Variants in FAM227B observed in about 807,000 individuals in gnomAD.
FAM227B encodes the protein protein FAM227B.
Under a neutral mutation model 73.8 loss-of-function variants are expected in FAM227B, and 88 were observed. That is an observed-to-expected ratio of 1.19 (90% CI 1.00 to 1.42). The LOEUF is 1.42. Among genes scored for constraint, FAM227B ranks in the 40% most tolerant of loss-of-function variants. The probability of loss-of-function intolerance (pLI) is 0.00; values close to 1 mark genes in which losing one functional copy is unlikely to be tolerated. For synonymous variants in FAM227B, 210 were observed against 190.5 expected (o/e 1.10, Z -0.84); for missense variants, 632 against 590.9 (o/e 1.07, Z -0.72).
rs1180799050 is a variant in FAM227B, at chr15:49,489,787, G to GAT, written c.1012+18422_1012+18423dup. Among the ~76,000 whole-genome samples, 36 of 78,122 alleles carry GAT rather than the reference G, an allele frequency of 4.6e-4. 1 individual carries two copies. Among genetic ancestry groups the GAT allele is most frequent in the African/African-American group, 1.4e-3 (35 of 24,478 alleles). 51.3% of individuals were successfully genotyped at this position (78,122 alleles called of 152,430 possible). ...ATATATAGATATATACAGAACAGGA[G>GAT]ATATATATATATATTTTATATATAT... On this transcript the variant is annotated intron_variant, in intron 11 of 15. Coordinates refer to ENST00000299338, the MANE Select transcript of FAM227B (RefSeq NM_152647.3).
intron 13 of FAM227B, among the ~76,000 whole-genome samples, chr15:49,354,341 C>G (rs2151327303): frequency 6.6e-6 from 1 of 152,318 alleles, no homozygotes; most frequent in African/African-American, 2.4e-5. Flanking sequence ...GTACCGGGTT[C>G]ATCTCACTAG....
At chr15:49,365,568 A>G (rs2045008466) in intron 13 of FAM227B, 1 of 890,658 alleles carries the variant, frequency 1.1e-6, no homozygotes, top group Admixed American at 1.7e-5. Context: ...GTCCAGCTGC[A>G]AGTTTAACCA....
intron 3 of FAM227B, 32 bp from the exon 4 acceptor site, chr15:49,590,039 T>A: frequency 9.1e-7 from 1 of 1,096,476 alleles, no homozygotes; most frequent in Non-Finnish European, 1.4e-6. Context: ...GAATATAGCT[T>A]AAGTCATTTT....
intron 9 of FAM227B, among the ~76,000 whole-genome samples, chr15:49,550,185 G>T (rs1241764997): frequency 6.8e-6 from 1 of 148,090 alleles, no homozygotes; most frequent in Non-Finnish European, 1.5e-5. Flanking sequence ...CCTCCTGGAC[G>T]GGGTGGCTGG....
At chr15:49,465,304 CTTT>C (rs67362920) in intron 11 of FAM227B, among the ~76,000 whole-genome samples, 1 of 140,598 alleles carries the variant, frequency 7.1e-6, no homozygotes. Context: ...TTTTCTTTTT[CTTT>C]TTTTTTTTTT....
chr15:49,588,907 T>A (rs1181511192), intron 4 of FAM227B, among the ~76,000 whole-genome samples: 2 of 151,802 alleles, frequency 1.3e-5, no homozygotes, highest in East Asian at 3.9e-4. Context: ...CAAATCTTAG[T>A]TCAAAAAAGA....
intron 11 of FAM227B, among the ~76,000 whole-genome samples, chr15:49,459,368 C>T (rs1363121743): frequency 6.6e-6 from 1 of 152,162 alleles, no homozygotes; most frequent in Non-Finnish European, 1.5e-5. Context: ...ATCAGAACAC[C>T]TGTAATTAGT....
At chr15:49,493,190 G>A (rs192216645) in intron 11 of FAM227B, among the ~76,000 whole-genome samples, 12 of 151,770 alleles carry the variant, frequency 7.9e-5, no homozygotes, top group Admixed American at 4.6e-4. Flanking sequence ...CCAAGTCCTC[G>A]TCTCAATTCC....
At chr15:49,480,262 T>C (rs1315606798) in intron 11 of FAM227B, among the ~76,000 whole-genome samples, 10 of 152,142 alleles carry the variant, frequency 6.6e-5, no homozygotes, top group Non-Finnish European at 1.0e-4. Context: ...TTAACCCTAA[T>C]ATGTGGAGGG....
intron 11 of FAM227B, among the ~76,000 whole-genome samples, chr15:49,450,678 T>C (rs1356158769): frequency 6.6e-6 from 1 of 152,162 alleles, no homozygotes; most frequent in Non-Finnish European, 1.5e-5. Context: ...AACTTCCTTA[T>C]GCCTCTTGAT....
At chr15:49,379,994 C>T (rs1285674513) in intron 11 of FAM227B, among the ~76,000 whole-genome samples, 1 of 152,206 alleles carries the variant, frequency 6.6e-6, no homozygotes, top group Non-Finnish European at 1.5e-5. Context: ...GTACCCCAGG[C>T]CCTGGGTGGG....
intron 11 of FAM227B, among the ~76,000 whole-genome samples, chr15:49,456,575 T>C (rs2053313878): frequency 6.6e-6 from 1 of 152,160 alleles, no homozygotes; most frequent in African/African-American, 2.4e-5. Context: ...ATTACTTTTT[T>C]TCCTTTGCCT....
intron 9 of FAM227B, among the ~76,000 whole-genome samples, chr15:49,560,406 T>C (rs1440174652): frequency 1.3e-5 from 2 of 152,146 alleles, no homozygotes; most frequent in Non-Finnish European, 2.9e-5. Context: ...GAATTACTGG[T>C]ATTCCTGAAA....
chr15:49,497,501 C>CA (rs2057729223), intron 11 of FAM227B, among the ~76,000 whole-genome samples: 1 of 152,096 alleles, frequency 6.6e-6, no homozygotes, highest in South Asian at 2.1e-4. Flanking sequence ...CCATCAAGGA[C>CA]AAAATCAATG....
At chr15:49,501,171 G>A (rs1426522495) in intron 11 of FAM227B, among the ~76,000 whole-genome samples, 1 of 152,200 alleles carries the variant, frequency 6.6e-6, no homozygotes, top group Admixed American at 6.5e-5. Context: ...ACCTGAAAAT[G>A]CAGAAGCAGA....
intron 13 of FAM227B, among the ~76,000 whole-genome samples, chr15:49,354,630 A>G (rs2151331390): frequency 6.6e-6 from 1 of 152,340 alleles, no homozygotes. Context: ...CTAGCACAGC[A>G]GTCTGAGATC....
intron 11 of FAM227B, among the ~76,000 whole-genome samples, chr15:49,476,764 A>C (rs543696969): frequency 2.0e-4 from 30 of 152,316 alleles, no homozygotes; most frequent in African/African-American, 7.2e-4. Context: ...TTTACAAAAA[A>C]AATTGAGCAG....
intron 11 of FAM227B, among the ~76,000 whole-genome samples, chr15:49,482,517 C>T (rs2056045720): frequency 6.6e-6 from 1 of 151,944 alleles, no homozygotes; most frequent in Admixed American, 6.6e-5. Flanking sequence ...TTTACACTTG[C>T]TTTAATTAGA....
At chr15:49,349,232 A>G (rs1035945842) in intron 13 of FAM227B, among the ~76,000 whole-genome samples, 3 of 152,186 alleles carry the variant, frequency 2.0e-5, no homozygotes, top group African/African-American at 7.2e-5. Context: ...GTGGCTGACA[A>G]TACTTACAAT....
Sources: allele counts gnomAD v4.1 joint callset (sites outside exome capture counted in the v4.1 genomes callset), GRCh38; gene constraint gnomAD v4.1.1; transcripts MANE v1.5; gene names NCBI Gene and HGNC (gene_info 2026-07-23, HGNC 2026-07-21).